The following DEPDC1B variants were observed in gnomAD, a reference collection of about 807,000 sequenced individuals.
The protein encoded by DEPDC1B is DEP domain containing 1B.
Under a neutral mutation model 66.5 loss-of-function variants are expected in DEPDC1B, and 51 were observed. The ratio of observed to expected loss-of-function variants is 0.77; its 90% CI spans 0.61 to 0.97. The LOEUF (loss-of-function observed/expected upper bound fraction) is 0.97. DEPDC1B is among the 50% of genes least tolerant of loss of function. The pLI is 0.00. For missense variants in DEPDC1B, 552 were observed against 637.1 expected (o/e 0.87, Z 1.44); for synonymous variants, 226 against 223.6 (o/e 1.01, Z -0.10).
chr5:60,624,138 G>C (rs1463192038), intron 7 of DEPDC1B, among the ~76,000 whole-genome samples: 5 of 152,034 alleles, frequency 3.3e-5, no homozygotes, highest in African/African-American at 1.2e-4. Context: ...TTTCTCACAG[G>C]TACCCTTGAT....
At chr5:60,626,468 G>C (rs1353295813) in intron 7 of DEPDC1B, among the ~76,000 whole-genome samples, 1 of 152,074 alleles carries the variant, frequency 6.6e-6, no homozygotes, top group East Asian at 1.9e-4. Context: ...CATGTTAACT[G>C]TATGTTTAAC....
chr5:60,692,326 T>TTCAAGACCAGCCTGACCAAGATG (rs1754563467), intron 1 of DEPDC1B, among the ~76,000 whole-genome samples: 1 of 152,162 alleles, frequency 6.6e-6, no homozygotes, highest in Non-Finnish European at 1.5e-5. Context: ...AAATTGCAAG[T>TTCAAGACCAGCCTGACCAAGATG]GTACAACAAA....
chr5:60,616,596 A>C (rs939993920), intron 7 of DEPDC1B, among the ~76,000 whole-genome samples: 1 of 152,218 alleles, frequency 6.6e-6, no homozygotes. Flanking sequence ...AAAAAAGAAT[A>C]AAAAGAAACG....
At chr5:60,612,626 C>A (rs2111742294) in intron 7 of DEPDC1B, among the ~76,000 whole-genome samples, 1 of 147,140 alleles carries the variant, frequency 6.8e-6, no homozygotes, top group South Asian at 2.1e-4. Context: ...AGGGAAGTGA[C>A]CTAGTTTGTA....
intron 2 of DEPDC1B, among the ~76,000 whole-genome samples, chr5:60,668,438 C>T (rs1753954661): frequency 6.6e-6 from 1 of 151,324 alleles, no homozygotes; most frequent in Non-Finnish European, 1.5e-5. Flanking sequence ...CCACGCCTGG[C>T]TAATTTTTGT....
In DEPDC1B at chr5:60,597,646, C is replaced by T; in HGVS notation, c.*107G>A. ...CAATCTTTATCTATATTTCAGTAGT[C>T]TTTGTTTTATGCTTTTCTTTCTTCC... On this transcript the variant is annotated 3_prime_UTR_variant, in exon 11 of 11. Transcript: ENST00000265036. 1 of 1,266,988 alleles carries T rather than the reference C, an allele frequency of 7.9e-7. No homozygotes were observed. The highest frequency in any genetic ancestry group is 1.1e-6 in the Non-Finnish European group (1 of 912,912). 78.5% of individuals were successfully genotyped at this position (1,266,988 alleles called of 1,614,324 possible). A position where few individuals can be genotyped will look rare whatever the true frequency, so the allele number is the denominator to read the frequency against.
intron 3 of DEPDC1B, 40 bp downstream of exon 3, chr5:60,647,358 C>T (rs1341535598): frequency 1.9e-6 from 3 of 1,549,858 alleles, no homozygotes; most frequent in African/African-American, 2.8e-5. Flanking sequence ...GATGATTCTC[C>T]CTGCTGCCAG....
intron 2 of DEPDC1B, among the ~76,000 whole-genome samples, chr5:60,667,234 G>C (rs917026156): frequency 1.3e-5 from 2 of 151,986 alleles, no homozygotes; most frequent in African/African-American, 4.8e-5. Context: ...GGAAAAGACT[G>C]ATAGATTCAA....
chr5:60,622,780 T>C (rs1752733552), intron 7 of DEPDC1B, among the ~76,000 whole-genome samples: 1 of 152,228 alleles, frequency 6.6e-6, no homozygotes, highest in Non-Finnish European at 1.5e-5. Context: ...TCCTGTATGA[T>C]TAATGATGTT....
chr5:60,621,807 T>A (rs987029339), intron 7 of DEPDC1B, among the ~76,000 whole-genome samples: 4 of 152,238 alleles, frequency 2.6e-5, no homozygotes, highest in African/African-American at 9.6e-5. Flanking sequence ...TTTCTTTTCT[T>A]AGTAATTCAA....
At chr5:60,681,205 T>C (rs1754287683) in intron 2 of DEPDC1B, among the ~76,000 whole-genome samples, 1 of 152,086 alleles carries the variant, frequency 6.6e-6, no homozygotes, top group Non-Finnish European at 1.5e-5. Context: ...CCACCACCAA[T>C]GCCAGCACCT....
At chr5:60,636,124 C>A (rs1006138879) in intron 7 of DEPDC1B, among the ~76,000 whole-genome samples, 1 of 152,176 alleles carries the variant, frequency 6.6e-6, no homozygotes, top group Non-Finnish European at 1.5e-5. Context: ...ATCTCAATCA[C>A]CACATTCAAG....
intron 7 of DEPDC1B, among the ~76,000 whole-genome samples, chr5:60,624,818 C>T (rs1400662499): frequency 1.3e-5 from 2 of 152,064 alleles, no homozygotes; most frequent in Non-Finnish European, 2.9e-5. Context: ...GTTTGTGGCA[C>T]CCACAAACCA....
At chr5:60,621,098 A>G (rs1164065270) in intron 7 of DEPDC1B, among the ~76,000 whole-genome samples, 2 of 150,100 alleles carry the variant, frequency 1.3e-5, no homozygotes, top group Non-Finnish European at 3.0e-5. Context: ...ATGAGAACAC[A>G]TTGACACAGG....
At chr5:60,688,870 A>G in intron 1 of DEPDC1B, 1 of 327,040 alleles carries the variant, frequency 3.1e-6, no homozygotes, top group South Asian at 2.6e-5. Flanking sequence ...GATTGGATCC[A>G]CGTCAGTTAA....
intron 10 of DEPDC1B, 102 bp from the exon 11 acceptor site, chr5:60,598,016 TTTTG>T (rs1218906222): frequency 1.1e-5 from 11 of 957,678 alleles, no homozygotes; most frequent in African/African-American, 6.8e-5. Flanking sequence ...ATTTTCCTGT[TTTTG>T]TTTATTTTTG....
At chr5:60,612,873 A>G (rs1291037943) in intron 7 of DEPDC1B, among the ~76,000 whole-genome samples, 1 of 152,200 alleles carries the variant, frequency 6.6e-6, no homozygotes, top group African/African-American at 2.4e-5. Flanking sequence ...TAAGGATGTC[A>G]ATCATATTGT....
intron 2 of DEPDC1B, among the ~76,000 whole-genome samples, chr5:60,683,236 C>A (rs1754338005): frequency 6.6e-6 from 1 of 152,108 alleles, no homozygotes; most frequent in Non-Finnish European, 1.5e-5. Flanking sequence ...TCAAGACCAG[C>A]CTGGGGAACA....
chr5:60,627,390 T>G (rs1167444167), intron 7 of DEPDC1B, among the ~76,000 whole-genome samples: 1 of 152,114 alleles, frequency 6.6e-6, no homozygotes, highest in Non-Finnish European at 1.5e-5. Flanking sequence ...TCTCTTTTTT[T>G]TAAGGTTCTG....
Sources: gnomAD v4.1 joint callset for allele counts (sites outside exome capture counted in the v4.1 genomes callset) on GRCh38, gnomAD v4.1.1 for gene constraint, MANE v1.5 for transcripts, NCBI Gene and HGNC (gene_info 2026-07-23, HGNC 2026-07-21) for gene names.